Variants in ALDH4A1 observed in about 807,000 individuals in gnomAD.
The protein encoded by ALDH4A1 is delta-1-pyrroline-5-carboxylate dehydrogenase, mitochondrial.
A neutral mutation model predicts 70.5 loss-of-function variants in ALDH4A1; 46 were observed. The observed-to-expected ratio is 0.65, with a 90% CI of 0.51 to 0.83. The LOEUF is 0.83. Ranked by LOEUF, ALDH4A1 falls within the 40% of genes least tolerant of loss-of-function variation. The probability of loss-of-function intolerance (pLI) is 0.00; values close to 1 mark genes in which losing one functional copy is unlikely to be tolerated. For synonymous variants in ALDH4A1, 323 were observed against 324.3 expected (o/e 1.00, Z 0.04); for missense variants, 749 against 766.5 (o/e 0.98, Z 0.27).
Position 18,883,215 on chromosome 1 carries a change from C to A in ALDH4A1, c.604-17G>T, listed in dbSNP as rs778369521. The A allele has an allele frequency of 1.2e-6, 2 of 1,613,144 alleles. No individual in the cohort carries two copies. Among genetic ancestry groups the A allele is most frequent in the Non-Finnish European group, 1.7e-6 (2 of 1,180,030 alleles). On this transcript the variant is annotated splice_polypyrimidine_tract_variant and intron_variant, in intron 6 of 14. Coordinates refer to ENST00000375341, the MANE Select transcript of ALDH4A1 (RefSeq NM_003748.4). ...CACGAAGCCCTGGGGAAGGAGGCAGCGGTGAGATCAGGCCCATGGCATTGG... is the reference window on the plus strand; with the variant it reads ...CACGAAGCCCTGGGGAAGGAGGCAGAGGTGAGATCAGGCCCATGGCATTGG...
chr1:18,901,592 G>A (rs1935800741), intron 1 of ALDH4A1, among the ~76,000 whole-genome samples: 1 of 152,194 alleles, frequency 6.6e-6, no homozygotes, highest in Non-Finnish European at 1.5e-5. Flanking sequence ...CAGGCACCTG[G>A]CTCCACAATG....
At chr1:18,887,832 T>G (rs1035876355) in intron 3 of ALDH4A1, among the ~76,000 whole-genome samples, 1 of 152,234 alleles carries the variant, frequency 6.6e-6, no homozygotes, top group African/African-American at 2.4e-5. Flanking sequence ...CTCAGGTTTC[T>G]GCAATATACT....
Position 18,885,488 on chromosome 1 carries a change from C to T in ALDH4A1, c.438G>A (p.Lys146=). 7.0e-7 allele frequency: 1 copy of T among 1,420,488 alleles called. No individual in the cohort carries two copies. The highest frequency in any genetic ancestry group is 9.4e-7 in the Non-Finnish European group (1 of 1,068,250). 88.0% of individuals were successfully genotyped at this position (1,420,488 alleles called of 1,614,324 possible). A position where few individuals can be genotyped will look rare whatever the true frequency, so the allele number is the denominator to read the frequency against. ...SGPRRAEILA[K]TMVGQGKTVI... ...AGCACCTCACCTGTCCCACCATGGTCTTGGCGAGGATCTCAGCCCTGCGCG... is the reference window on the plus strand; with the variant it reads ...AGCACCTCACCTGTCCCACCATGGTTTTGGCGAGGATCTCAGCCCTGCGCG... The change falls in exon 5 of 15, where the codon AAG becomes AAA. Residue 146 remains lysine (K), a synonymous_variant. Coordinates refer to ENST00000375341, the MANE Select transcript of ALDH4A1 (RefSeq NM_003748.4).
chr1:18,877,933 A>C (rs1934790459), intron 9 of ALDH4A1, among the ~76,000 whole-genome samples: 2 of 152,120 alleles, frequency 1.3e-5, no homozygotes, highest in South Asian at 4.2e-4. Context: ...ATGAGAACCC[A>C]AGGCCCCCGA....
At chr1:18,894,542 C>G (rs1328556376) in intron 1 of ALDH4A1, among the ~76,000 whole-genome samples, 1 of 152,216 alleles carries the variant, frequency 6.6e-6, no homozygotes, top group African/African-American at 2.4e-5. Flanking sequence ...GACTCCATCT[C>G]AAAATATATA....
At chr1:18,881,655 A>G (rs763352861) in intron 8 of ALDH4A1, 45 bp downstream of exon 8, 2 of 616,314 alleles carry the variant, frequency 3.2e-6, no homozygotes, top group South Asian at 5.2e-5. Context: ...TGAGCAGGTG[A>G]ACGTCCCCTA....
At chr1:18,883,224 C>T in intron 6 of ALDH4A1, 26 bp from the exon 7 acceptor site, 6 of 1,613,142 alleles carry the variant, frequency 3.7e-6, no homozygotes, top group Non-Finnish European at 5.1e-6. Flanking sequence ...GCGGTGAGAT[C>T]AGGCCCATGG....
At chr1:18,889,987 C>T (rs750685700) in intron 2 of ALDH4A1, 25 bp downstream of exon 2, 68 of 1,564,602 alleles carry the variant, frequency 4.3e-5, no homozygotes, top group East Asian at 3.7e-4. Context: ...CTGCACCTCT[C>T]GGGTGCCTCC....
At chr1:18,883,041 A>T in intron 7 of ALDH4A1, 83 bp downstream of exon 7, 1 of 1,575,294 alleles carries the variant, frequency 6.3e-7, no homozygotes, top group South Asian at 1.1e-5. Flanking sequence ...CTGAGACCCA[A>T]GGGGCTCAGG....
chr1:18,872,662 G>T lies in ALDH4A1; in HGVS notation c.*183C>A. ...TAGTGGCCATGTTCCTCCCCAGCAC[G>T]ATCTCAAACCAGAGCCTGAGGCATG... On this transcript the variant is annotated 3_prime_UTR_variant, in exon 15 of 15. Transcript: ENST00000375341. 5.1e-6 allele frequency: 3 copies of T among 585,706 alleles called. No homozygotes were observed. The South Asian group carries it at 6.1e-5, about 12-fold the overall frequency. The allele number at this position is 585,706 out of a possible 1,614,324, so 36.3% of individuals were successfully genotyped here. A position where few individuals can be genotyped will look rare whatever the true frequency, so the allele number is the denominator to read the frequency against.
In ALDH4A1 at chr1:18,883,444, C is replaced by T; in HGVS notation, c.454-16G>A. The T allele has an allele frequency of 6.2e-7, 1 of 1,612,988 alleles. No individual in the cohort carries two copies. ...CGGTCTTACCCTGCAAGGCAGAGGG[C>T]CGGGGGTCAGGAGCAGCCAACAGCC... is the stretch of plus-strand genomic sequence containing the variant. On this transcript the variant is annotated splice_polypyrimidine_tract_variant and intron_variant, in intron 5 of 14. Coordinates refer to ENST00000375341, the MANE Select transcript of ALDH4A1 (RefSeq NM_003748.4).
intron 9 of ALDH4A1, among the ~76,000 whole-genome samples, chr1:18,877,981 G>A (rs181476170): frequency 2.0e-5 from 3 of 152,158 alleles, no homozygotes; most frequent in East Asian, 3.9e-4. Context: ...AGCTTTTTGT[G>A]AGGTTCTCCT....
chr1:18,876,257 G>A, intron 12 of ALDH4A1, 58 bp downstream of exon 12: 1 of 1,588,432 alleles, frequency 6.3e-7, no homozygotes, highest in Non-Finnish European at 8.6e-7. Flanking sequence ...AACTGTGTGT[G>A]TGCTGTGCTC....
Position 18,880,238 on chromosome 1 carries a change from G to A in ALDH4A1, c.867-865C>T, listed in dbSNP as rs577596025. 1.1e-4 allele frequency among the ~76,000 whole-genome samples: 4 copies of A among 35,170 alleles called. No homozygotes were observed. Among genetic ancestry groups the A allele is most frequent in the East Asian group, 2.4e-3 (2 of 824 alleles). 23.1% of individuals were successfully genotyped at this position (35,170 alleles called of 152,430 possible). Reference sequence around the variant, plus strand: ...TGGAAGAGGAGGTAAGAAGGACCCTGAGCTGCAGACCCGGGCGTCTGGCTG... The same window carrying A: ...TGGAAGAGGAGGTAAGAAGGACCCTAAGCTGCAGACCCGGGCGTCTGGCTG... On this transcript the variant is annotated intron_variant, in intron 8 of 14. Transcript: ENST00000375341. The surrounding 1 kb of genome is among the most constrained non-coding windows in gnomAD (Gnocchi z 5.1).
At position 18,883,368 on chromosome 1, in the gene ALDH4A1, A is replaced by G; in HGVS notation, c.514T>C (p.Phe172Leu). 6.2e-7 allele frequency: 1 copy of G among 1,613,464 alleles called. No individual in the cohort carries two copies. Among genetic ancestry groups the G allele is most frequent in the Non-Finnish European group, 8.5e-7 (1 of 1,180,038 alleles). Residue 172 changes from phenylalanine (F) to leucine (L), a missense_variant, in exon 6 of 15, where the codon TTC becomes CTC. Transcript: ENST00000375341. Reference protein sequence around the residue: ...AAAELIDFFRFNAKYAVELEG... With the variant: ...AAAELIDFFRLNAKYAVELEG... ...AGCTCCACCGCATACTTGGCATTGA[A>G]CCGGAAGAAGTCGATGAGTTCCGCT...
intron 1 of ALDH4A1, among the ~76,000 whole-genome samples, chr1:18,894,332 G>C (rs1036620852): frequency 7.2e-5 from 11 of 152,212 alleles, no homozygotes; most frequent in African/African-American, 2.7e-4. Flanking sequence ...CTTGAGGTCA[G>C]GAGTTCGAGA....
At chr1:18,891,496 T>TGAGGGAAAACACACAGCG (rs2100596839) in intron 1 of ALDH4A1, among the ~76,000 whole-genome samples, 1 of 151,894 alleles carries the variant, frequency 6.6e-6, no homozygotes, top group East Asian at 1.9e-4. Flanking sequence ...GTCGGCGCAA[T>TGAGGGAAAACACACAGCG]GAGGGAAAAC....
At chr1:18,892,583 G>A (rs1004524262) in intron 1 of ALDH4A1, among the ~76,000 whole-genome samples, 4 of 151,496 alleles carry the variant, frequency 2.6e-5, no homozygotes, top group Admixed American at 1.3e-4. Context: ...AGGGGCCTGC[G>A]TGGTAGAGGG....
In ALDH4A1 at chr1:18,898,701, G is replaced by A. The variant is rs1228552921; in HGVS notation, c.62+3761C>T. Among the ~76,000 whole-genome samples, 2 of 152,132 alleles carry A rather than the reference G, an allele frequency of 1.3e-5. No individual in the cohort carries two copies. Among genetic ancestry groups the A allele is most frequent in the Non-Finnish European group, 2.9e-5 (2 of 68,020 alleles). On this transcript the variant is annotated intron_variant, in intron 1 of 14. Transcript: ENST00000375341. The surrounding 1 kb of genome is among the most constrained non-coding windows in gnomAD (Gnocchi z 4.3). Reference sequence around the variant, plus strand: ...CCCAGAGAGGGTGAGTAACCTGCCCGGGGCCACAGAGCTGCCAAGAGTTGG... The same window carrying A: ...CCCAGAGAGGGTGAGTAACCTGCCCAGGGCCACAGAGCTGCCAAGAGTTGG...
Sources: gnomAD v4.1 joint callset for allele counts (sites outside exome capture counted in the v4.1 genomes callset) on GRCh38, gnomAD v4.1.1 for gene constraint, Gnocchi (gnomAD v3.1) non-coding constraint, MANE v1.5 for transcripts, NCBI Gene and HGNC (gene_info 2026-07-23, HGNC 2026-07-21) for gene names.